TPST1: variants seen among roughly 807,000 people sequenced by gnomAD.
The protein encoded by TPST1 is protein-tyrosine sulfotransferase 1.
TPST1 carries 20 observed loss-of-function variants against 34.8 expected under a neutral mutation model. That is an observed-to-expected ratio of 0.57 (90% CI 0.40 to 0.84). The LOEUF (loss-of-function observed/expected upper bound fraction) is 0.84, where lower values mean the gene tolerates loss of function less well. Among genes scored for constraint, TPST1 ranks in the 40% least tolerant of loss-of-function variants. TPST1 has a pLI of 0.00. For synonymous variants in TPST1, 152 were observed against 159.4 expected (o/e 0.95, Z 0.35); for missense variants, 353 against 455.5 (o/e 0.78, Z 2.05).
the TPST1 span, among the ~76,000 whole-genome samples, chr7:66,200,104 G>T: frequency 6.6e-6 from 1 of 152,200 alleles, no homozygotes; most frequent in Non-Finnish European, 1.5e-5. Flanking sequence ...TGCCTTTTCA[G>T]TTCTCAAAGC....
chr7:66,252,992 T>G (rs574856139), intron 2 of TPST1, among the ~76,000 whole-genome samples: 1 of 152,246 alleles, frequency 6.6e-6, no homozygotes, highest in Admixed American at 6.5e-5. Context: ...TTTGGATCCA[T>G]GGGTTCCACA....
chr7:66,302,608 G>A (rs1791340651), intron 3 of TPST1, among the ~76,000 whole-genome samples: 1 of 152,216 alleles, frequency 6.6e-6, no homozygotes, highest in South Asian at 2.1e-4. Context: ...TCCACCTATG[G>A]GAGACCTCCT....
At chr7:66,313,164 C>G (rs1791565232) in intron 3 of TPST1, among the ~76,000 whole-genome samples, 1 of 151,942 alleles carries the variant, frequency 6.6e-6, no homozygotes, top group Non-Finnish European at 1.5e-5. Context: ...GCCTGTAATC[C>G]CAGCACTTTG....
intron 2 of TPST1, among the ~76,000 whole-genome samples, chr7:66,262,689 G>T (rs774922097): frequency 6.6e-6 from 1 of 152,116 alleles, no homozygotes; most frequent in Non-Finnish European, 1.5e-5. Flanking sequence ...AGTCTAGGCC[G>T]GGTAGACTTT....
At chr7:66,358,038 C>T (rs915355745) in intron 5 of TPST1, among the ~76,000 whole-genome samples, 8 of 151,792 alleles carry the variant, frequency 5.3e-5, no homozygotes, top group South Asian at 2.1e-4. Flanking sequence ...AAGCCGAAAT[C>T]GTGCCATTGC....
chr7:66,357,497 C>T (rs981928786), intron 5 of TPST1, among the ~76,000 whole-genome samples: 1 of 152,202 alleles, frequency 6.6e-6, no homozygotes, highest in African/African-American at 2.4e-5. Context: ...ATGTGAGTAA[C>T]CTATATTGTC....
At chr7:66,211,166 C>T (rs1229924876) in intron 1 of TPST1, among the ~76,000 whole-genome samples, 2 of 151,182 alleles carry the variant, frequency 1.3e-5, no homozygotes, top group African/African-American at 2.4e-5. Context: ...TGGAGTTTCG[C>T]TCTTGTTGCC....
At chr7:66,201,219 T>TA (rs1283620912), upstream of TPST1, among the ~76,000 whole-genome samples, 1 of 151,646 alleles carries the variant, frequency 6.6e-6, no homozygotes. Flanking sequence ...AGTTTTCCTT[T>TA]AAAAAAAAGT....
At chr7:66,271,801 A>G (rs1004473244) in intron 2 of TPST1, among the ~76,000 whole-genome samples, 2 of 151,906 alleles carry the variant, frequency 1.3e-5, no homozygotes, top group African/African-American at 4.8e-5. Context: ...CCATTTCTTT[A>G]GCCATTCATC....
intron 3 of TPST1, among the ~76,000 whole-genome samples, chr7:66,316,629 A>G (rs544806358): frequency 2.0e-5 from 3 of 152,250 alleles, no homozygotes; most frequent in Non-Finnish European, 4.4e-5. Flanking sequence ...TAGATTCATT[A>G]GCATTTTCTA....
At chr7:66,285,888 G>C (rs1269789851) in intron 2 of TPST1, among the ~76,000 whole-genome samples, 2 of 152,034 alleles carry the variant, frequency 1.3e-5, no homozygotes, top group Non-Finnish European at 2.9e-5. Flanking sequence ...ATCAAAAACA[G>C]CCCTTTTTTT....
intron 3 of TPST1, among the ~76,000 whole-genome samples, chr7:66,315,172 AC>A (rs1212761164): frequency 2.0e-5 from 3 of 152,382 alleles, no homozygotes; most frequent in African/African-American, 7.2e-5. Context: ...CAAAGGAATG[AC>A]TTAACACGGT....
chr7:66,257,871 A>G (rs945682849), intron 2 of TPST1, among the ~76,000 whole-genome samples: 1 of 152,344 alleles, frequency 6.6e-6, no homozygotes, highest in South Asian at 2.1e-4. Flanking sequence ...CCATTTTCCA[A>G]GTAGCCCACC....
chr7:66,283,412 TG>T (rs1441504428), intron 2 of TPST1, among the ~76,000 whole-genome samples: 1 of 152,116 alleles, frequency 6.6e-6, no homozygotes, highest in Non-Finnish European at 1.5e-5. Flanking sequence ...AAAGTTTTTT[TG>T]TAAGGGTTAG....
At chr7:66,320,331 T>C (rs541795875) in intron 3 of TPST1, among the ~76,000 whole-genome samples, 1 of 142,104 alleles carries the variant, frequency 7.0e-6, no homozygotes, top group Admixed American at 7.4e-5. Context: ...CACTGCAAGC[T>C]CCACCTCCCG....
At chr7:66,250,248 A>G (rs1264899106) in intron 2 of TPST1, among the ~76,000 whole-genome samples, 1 of 152,170 alleles carries the variant, frequency 6.6e-6, no homozygotes, top group Non-Finnish European at 1.5e-5. Flanking sequence ...TCTTAATTTT[A>G]TAGATGAGGG....
chr7:66,215,444 G>A (rs1426684078), intron 1 of TPST1, among the ~76,000 whole-genome samples: 1 of 151,278 alleles, frequency 6.6e-6, no homozygotes. Flanking sequence ...GCGCGATCTC[G>A]GCTCGCTGCA....
At chr7:66,324,682 C>T (rs1380346186) in intron 3 of TPST1, among the ~76,000 whole-genome samples, 1 of 151,544 alleles carries the variant, frequency 6.6e-6, no homozygotes, top group African/African-American at 2.4e-5. Context: ...TCCTGTAATC[C>T]CAGCTACTCG....
chr7:66,298,699 T>C lies in TPST1; in HGVS notation c.1044+11990T>C, dbSNP rs111814691. 1.6e-4 allele frequency among the ~76,000 whole-genome samples: 24 copies of C among 152,350 alleles called. 4 individuals are homozygous for C. Among genetic ancestry groups the C allele is most frequent in the African/African-American group, 5.8e-4 (24 of 41,586 alleles). ...TTGTTTCTCTTTTCCTGCCTTCTTTTGGATTAATCTTTTTTGGTATTCCAT... is the reference window on the plus strand; with the variant it reads ...TTGTTTCTCTTTTCCTGCCTTCTTTCGGATTAATCTTTTTTGGTATTCCAT... On this transcript the variant is annotated intron_variant, in intron 3 of 5. Coordinates refer to ENST00000304842, the MANE Select transcript of TPST1 (RefSeq NM_003596.4).
Sources: gnomAD v4.1 joint callset for allele counts (sites outside exome capture counted in the v4.1 genomes callset) on GRCh38, gnomAD v4.1.1 for gene constraint, MANE v1.5 for transcripts, NCBI Gene and HGNC (gene_info 2026-07-23, HGNC 2026-07-21) for gene names.